Variants in ROCK1 observed in about 807,000 individuals in gnomAD.
ROCK1 encodes rho-associated protein kinase 1.
A neutral mutation model predicts 196.8 loss-of-function variants in ROCK1; 36 were observed. The ratio of observed to expected loss-of-function variants is 0.18; its 90% CI spans 0.14 to 0.24. ROCK1 has a LOEUF of 0.24. ROCK1 is among the 10% of genes least tolerant of loss of function. The probability of loss-of-function intolerance (pLI) is 1.00; values close to 1 mark genes in which losing one functional copy is unlikely to be tolerated. For missense variants in ROCK1, 920 were observed against 1,562.0 expected, an observed-to-expected ratio of 0.59 and a Z score of 6.93; for synonymous variants, 443 against 515.9, an observed-to-expected ratio of 0.86 and a Z score of 1.91.
chr18:21,081,946 ATTTG>A (rs1269467735), intron 1 of ROCK1, among the ~76,000 whole-genome samples: 2 of 152,070 alleles, frequency 1.3e-5, no homozygotes, highest in African/African-American at 2.4e-5. Context: ...ATGTATTTTT[ATTTG>A]TTTGTTTTTT....
intron 22 of ROCK1, among the ~76,000 whole-genome samples, chr18:20,976,349 C>G (rs1384607802): frequency 6.6e-6 from 1 of 152,098 alleles, no homozygotes; most frequent in East Asian, 1.9e-4. Flanking sequence ...ATTTCAAATG[C>G]CTAGAAAATT....
chr18:21,009,895 G>A (rs956256455), intron 13 of ROCK1, among the ~76,000 whole-genome samples: 1 of 151,908 alleles, frequency 6.6e-6, no homozygotes, highest in Non-Finnish European at 1.5e-5. Flanking sequence ...ACTTATATAG[G>A]GCTACTGAAA....
At chr18:21,036,162 C>T (rs1242657010) in intron 9 of ROCK1, among the ~76,000 whole-genome samples, 1 of 152,162 alleles carries the variant, frequency 6.6e-6, no homozygotes, top group Non-Finnish European at 1.5e-5. Context: ...CTGAAACTTG[C>T]TAGGCCTTCA....
intron 9 of ROCK1, among the ~76,000 whole-genome samples, chr18:21,038,836 G>A (rs2036080703): frequency 6.6e-6 from 1 of 152,192 alleles, no homozygotes. Flanking sequence ...AACCTTTGGT[G>A]TCATGATAAT....
At chr18:21,000,386 C>T (rs991640899) in intron 16 of ROCK1, among the ~76,000 whole-genome samples, 4 of 152,100 alleles carry the variant, frequency 2.6e-5, no homozygotes, top group Non-Finnish European at 4.4e-5. Flanking sequence ...CCTCAGTCCC[C>T]CAAGTAGCTG....
At chr18:20,955,373 A>T in intron 29 of ROCK1, 128 bp from the exon 30 acceptor site, 1 of 975,150 alleles carries the variant, frequency 1.0e-6, no homozygotes, top group Non-Finnish European at 1.5e-6. Context: ...TCATTAGAGA[A>T]ATGCAAATTA....
chr18:21,015,178 C>T (rs2035852556), intron 13 of ROCK1, among the ~76,000 whole-genome samples: 1 of 152,068 alleles, frequency 6.6e-6, no homozygotes, highest in African/African-American at 2.4e-5. Context: ...TTTCAACCAT[C>T]GAGAACCACT....
chr18:21,020,794 A>C (rs1181929319), intron 11 of ROCK1, among the ~76,000 whole-genome samples: 1 of 152,238 alleles, frequency 6.6e-6, no homozygotes, highest in Non-Finnish European at 1.5e-5. Flanking sequence ...GGAAATGGAA[A>C]GAAATCAAGT....
chr18:21,063,061 T>C (rs1397538371), intron 2 of ROCK1, among the ~76,000 whole-genome samples: 3 of 152,130 alleles, frequency 2.0e-5, no homozygotes, highest in East Asian at 1.9e-4. Flanking sequence ...AAAAAGGGCA[T>C]CTGGCAAGGG....
At chr18:20,990,674 C>T (rs1365237917) in intron 18 of ROCK1, among the ~76,000 whole-genome samples, 1 of 49,942 alleles carries the variant, frequency 2.0e-5, no homozygotes, top group Non-Finnish European at 3.6e-5. Context: ...GCATGGGAGA[C>T]AAGAGCAAAA....
chr18:20,955,067 G>A, intron 30 of ROCK1, 23 bp from the exon 31 acceptor site: 1 of 1,546,948 alleles, frequency 6.5e-7, no homozygotes, highest in South Asian at 1.3e-5. Flanking sequence ...ATGGTGAAAG[G>A]AAAAGATTTT....
intron 1 of ROCK1, among the ~76,000 whole-genome samples, chr18:21,077,861 G>C (rs1180840508): frequency 6.6e-6 from 1 of 152,170 alleles, no homozygotes; most frequent in Non-Finnish European, 1.5e-5. Context: ...TTTTTGGTAT[G>C]TATTGGAGCA....
At chr18:21,095,502 A>G (rs773365417) in intron 1 of ROCK1, among the ~76,000 whole-genome samples, 1 of 152,244 alleles carries the variant, frequency 6.6e-6, no homozygotes, top group Admixed American at 6.5e-5. Context: ...ACATATACAC[A>G]ATGGGATATT....
intron 1 of ROCK1, among the ~76,000 whole-genome samples, chr18:21,097,710 G>A (rs1034196784): frequency 6.6e-6 from 1 of 152,208 alleles, no homozygotes; most frequent in South Asian, 2.1e-4. Flanking sequence ...ATTACAAACA[G>A]CTAACATCTA....
chr18:21,079,830 A>C (rs973350617), intron 1 of ROCK1, among the ~76,000 whole-genome samples: 8 of 152,228 alleles, frequency 5.3e-5, no homozygotes, highest in Non-Finnish European at 1.0e-4. Context: ...TCCTGTGTGC[A>C]GAAAAGTTCT....
chr18:21,089,560 G>T (rs1280163684), intron 1 of ROCK1, among the ~76,000 whole-genome samples: 1 of 152,114 alleles, frequency 6.6e-6, no homozygotes, highest in Non-Finnish European at 1.5e-5. Flanking sequence ...TATAATGGGT[G>T]GGGTTTACAT....
At chr18:20,970,628 C>CA in intron 22 of ROCK1, 115 bp from the exon 23 acceptor site, 1 of 696,858 alleles carries the variant, frequency 1.4e-6, no homozygotes, top group Non-Finnish European at 2.3e-6. Context: ...TATTTTATTG[C>CA]TTAAAATAAA....
At position 20,980,718 on chromosome 18, in the gene ROCK1, C is replaced by A. The variant is rs1280104249; in HGVS notation, c.2560-714G>T. Among the ~76,000 whole-genome samples, 5 of 151,850 alleles carry A rather than the reference C, an allele frequency of 3.3e-5. No individual in the cohort carries two copies. In the East Asian group the frequency reaches 7.8e-4, roughly 24 times the overall value. ...GATCACAAGGTCAGGAGATTGAGAG[C>A]ATCCTGGCTAACACAGTGAAACCTC... On this transcript the variant is annotated intron_variant, in intron 21 of 32. Coordinates refer to ENST00000399799, the MANE Select transcript of ROCK1 (RefSeq NM_005406.3).
chr18:21,098,528 A>G (rs1170193765), intron 1 of ROCK1, among the ~76,000 whole-genome samples: 3 of 152,136 alleles, frequency 2.0e-5, no homozygotes, highest in Non-Finnish European at 2.9e-5. Flanking sequence ...CTTTCTAACT[A>G]TGACTCAAAA....
Sources: allele counts gnomAD v4.1 joint callset (sites outside exome capture counted in the v4.1 genomes callset), GRCh38; gene constraint gnomAD v4.1.1; transcripts MANE v1.5; gene names NCBI Gene and HGNC (gene_info 2026-07-23, HGNC 2026-07-21).